The following ADAMTS17 variants were observed in gnomAD, a reference collection of about 807,000 sequenced individuals.
ADAMTS17 encodes ADAM metallopeptidase with thrombospondin type 1 motif 17, also known as A disintegrin and metalloproteinase with thrombospondin motifs 17.
In ADAMTS17, 113 loss-of-function variants were observed where a neutral mutation model predicts 141.5. The observed-to-expected ratio is 0.80, with a 90% CI of 0.69 to 0.93. The LOEUF (loss-of-function observed/expected upper bound fraction) is 0.93. ADAMTS17 is among the 40% of genes least tolerant of loss of function. The pLI, the probability that ADAMTS17 is intolerant of heterozygous loss-of-function variation, is 0.00. For missense variants in ADAMTS17, 1,659 were observed against 1,517.9 expected (o/e 1.09, Z -1.54); for synonymous variants, 768 against 630.6 (o/e 1.22, Z -3.27).
In ADAMTS17 at chr15:100,184,934, C is replaced by T. The variant is rs536038873; in HGVS notation, c.1181+14384G>A. On this transcript the variant is annotated intron_variant, in intron 8 of 21. Coordinates refer to ENST00000268070, the MANE Select transcript of ADAMTS17 (RefSeq NM_139057.4). The stretch of plus-strand genomic sequence containing the variant: ...CCCATGGCTTTTGTTAATCACTCCT[C>T]TATTACATCAGGCTGATGTCTACTC... Among the ~76,000 whole-genome samples, 4 of 152,346 alleles carry T rather than the reference C, an allele frequency of 2.6e-5. No individual in the cohort carries two copies. In the East Asian group the frequency reaches 7.7e-4, roughly 29 times the overall value.
At chr15:100,065,445 T>C (rs1037518515) in intron 15 of ADAMTS17, among the ~76,000 whole-genome samples, 4 of 152,224 alleles carry the variant, frequency 2.6e-5, no homozygotes, top group Non-Finnish European at 4.4e-5. Flanking sequence ...AATTTCTATA[T>C]TTTGGCTGAG....
chr15:99,976,198 G>C lies in ADAMTS17; in HGVS notation c.2974C>G (p.Leu992Val), dbSNP rs1479638000. ...ATGCACTGCACCACCCGGGACTGCAGGCCCTTCCCGCAGGTCGACGAGCAC... is the reference window on the plus strand; with the variant it reads ...ATGCACTGCACCACCCGGGACTGCACGCCCTTCCCGCAGGTCGACGAGCAC... Reference protein sequence around the residue: ...STCSSTCGKGLQSRVVQCMHK... With the variant: ...STCSSTCGKGVQSRVVQCMHK... Residue 992 changes from leucine (L) to valine (V), a missense_variant, in exon 21 of 22, where the codon CTG (leucine) becomes GTG (valine). Transcript: ENST00000268070. 1 of 1,548,394 alleles carries C rather than the reference G, an allele frequency of 6.5e-7. No homozygotes were observed. Among genetic ancestry groups the C allele is most frequent in the Admixed American group, 2.0e-5 (1 of 51,014 alleles).
At chr15:100,180,577 G>C (rs2040489190) in intron 8 of ADAMTS17, among the ~76,000 whole-genome samples, 2 of 151,888 alleles carry the variant, frequency 1.3e-5, no homozygotes, top group South Asian at 4.2e-4. Context: ...ATTTTGATAG[G>C]GATTGCACTG....
chr15:100,134,814 C>T (rs917870504), intron 10 of ADAMTS17, among the ~76,000 whole-genome samples: 1 of 152,160 alleles, frequency 6.6e-6, no homozygotes, highest in Admixed American at 6.5e-5. Flanking sequence ...AAGTGGATGG[C>T]TCAAGTGGAA....
At chr15:100,272,906 G>C (rs1223475795) in intron 4 of ADAMTS17, among the ~76,000 whole-genome samples, 1 of 151,946 alleles carries the variant, frequency 6.6e-6, no homozygotes, top group African/African-American at 2.4e-5. Flanking sequence ...ATCATGAAAG[G>C]CTGCTCAATT....
intron 18 of ADAMTS17, among the ~76,000 whole-genome samples, chr15:100,001,633 G>T (rs2060925303): frequency 1.3e-5 from 2 of 152,074 alleles, no homozygotes; most frequent in African/African-American, 4.8e-5. Flanking sequence ...AAATCTCTCT[G>T]TACCTTCCTC....
At chr15:100,052,511 A>G (rs8025913) in intron 16 of ADAMTS17, among the ~76,000 whole-genome samples, 20,767 of 152,220 alleles carry the variant, frequency 0.14, 3,071 homozygotes, top group African/African-American at 0.37. Context: ...TGGGGACTTC[A>G]CTTTAACGGG....
Position 100,096,336 on chromosome 15 carries a change from C to G in ADAMTS17, c.2137+20G>C, listed in dbSNP as rs759581015. On this transcript the variant is annotated intron_variant, in intron 15 of 21. Coordinates refer to ENST00000268070, the MANE Select transcript of ADAMTS17 (RefSeq NM_139057.4). ...ACACAAAACACTGTAGCCACAGCAG[C>G]CCCATGGGCCAACACTCACCTGTCC... 1.1e-5 allele frequency: 18 copies of G among 1,612,612 alleles called. No homozygotes were observed. Among genetic ancestry groups the G allele is most frequent in the Non-Finnish European group, 1.4e-5 (17 of 1,180,036 alleles).
chr15:100,067,400 T>G (rs2033617834), intron 15 of ADAMTS17, among the ~76,000 whole-genome samples: 1 of 152,268 alleles, frequency 6.6e-6, no homozygotes, highest in African/African-American at 2.4e-5. Flanking sequence ...TATTCCTTGG[T>G]GTTCTGCAGT....
At chr15:100,010,317 A>G (rs1213168339) in intron 18 of ADAMTS17, among the ~76,000 whole-genome samples, 1 of 152,218 alleles carries the variant, frequency 6.6e-6, no homozygotes, top group East Asian at 1.9e-4. Flanking sequence ...GTGTGTGAGG[A>G]CTGAATGATA....
At position 100,132,043 on chromosome 15, in the gene ADAMTS17, C is replaced by T. The variant is rs202203873; in HGVS notation, c.1685G>A (p.Gly562Glu). ...WSMCSRTCGT[G>E]ARFRQRKCDN... ...ACATTTCCTCTGCCTGAAGCGGGCT[C>T]CCGTCCCACATGTTCGGCTGCACAT... Residue 562 changes from glycine to glutamate, a missense_variant, in exon 12 of 22, where the codon GGA (glycine) becomes GAA (glutamate). Coordinates refer to ENST00000268070, the MANE Select transcript of ADAMTS17 (RefSeq NM_139057.4). The T allele has an allele frequency of 6.2e-7, 1 of 1,613,844 alleles. No homozygotes were observed. The highest frequency in any genetic ancestry group is 1.3e-5 in the African/African-American group (1 of 74,928).
intron 3 of ADAMTS17, among the ~76,000 whole-genome samples, chr15:100,309,351 C>T (rs1184914189): frequency 1.3e-5 from 2 of 152,174 alleles, no homozygotes; most frequent in South Asian, 2.1e-4. Context: ...AGGGCGACAC[C>T]CTGTCTCAAA....
chr15:100,120,754 A>G (rs2037411122), intron 12 of ADAMTS17, among the ~76,000 whole-genome samples: 1 of 152,240 alleles, frequency 6.6e-6, no homozygotes, highest in Admixed American at 6.5e-5. Context: ...AAGGGGTACA[A>G]TCTATTTCTA....
At chr15:100,327,900 T>C (rs978720118) in intron 3 of ADAMTS17, among the ~76,000 whole-genome samples, 1 of 152,216 alleles carries the variant, frequency 6.6e-6, no homozygotes, top group Non-Finnish European at 1.5e-5. Context: ...AGATGGCCTT[T>C]GCCGTGTCAG....
chr15:100,039,914 G>C (rs2031095314), intron 18 of ADAMTS17, among the ~76,000 whole-genome samples: 1 of 151,946 alleles, frequency 6.6e-6, no homozygotes, highest in African/African-American at 2.4e-5. Flanking sequence ...TATAATTGTT[G>C]TATCTTCCTG....
At chr15:100,028,201 T>C (rs1203887853) in intron 18 of ADAMTS17, among the ~76,000 whole-genome samples, 1 of 152,224 alleles carries the variant, frequency 6.6e-6, no homozygotes, top group Non-Finnish European at 1.5e-5. Flanking sequence ...AGGCGCAGAA[T>C]GTTCTCATTA....
intron 6 of ADAMTS17, among the ~76,000 whole-genome samples, chr15:100,255,869 G>A (rs1433126716): frequency 6.6e-6 from 1 of 152,226 alleles, no homozygotes; most frequent in Admixed American, 6.5e-5. Context: ...TGGCTGCCCT[G>A]AGGGGAAACA....
intron 7 of ADAMTS17, among the ~76,000 whole-genome samples, chr15:100,235,269 TA>T (rs1256573984): frequency 6.6e-6 from 1 of 152,168 alleles, no homozygotes; most frequent in East Asian, 1.9e-4. Context: ...AGAATGTCAG[TA>T]GGGCTGGTGG....
intron 3 of ADAMTS17, among the ~76,000 whole-genome samples, chr15:100,291,025 C>T (rs1427174045): frequency 6.6e-6 from 1 of 152,088 alleles, no homozygotes; most frequent in Non-Finnish European, 1.5e-5. Context: ...AACCAAAGAG[C>T]CCTTGCACAG....
Sources: gnomAD v4.1 joint callset for allele counts (sites outside exome capture counted in the v4.1 genomes callset) on GRCh38, gnomAD v4.1.1 for gene constraint, MANE v1.5 for transcripts, NCBI Gene and HGNC (gene_info 2026-07-23, HGNC 2026-07-21) for gene names.